Variants in ATP6V0A4 observed in about 807,000 individuals in gnomAD.
The protein encoded by ATP6V0A4 is ATPase H+ transporting V0 subunit a4.
In ATP6V0A4, 86 loss-of-function variants were observed where a neutral mutation model predicts 107.3. That is an observed-to-expected ratio of 0.80 (90% confidence interval 0.67 to 0.96). ATP6V0A4 has a LOEUF of 0.96. ATP6V0A4 is among the 40% of genes least tolerant of loss of function. The probability of loss-of-function intolerance (pLI) is 0.00; values close to 1 mark genes in which losing one functional copy is unlikely to be tolerated. For synonymous variants in ATP6V0A4, 353 were observed against 381.4 expected (o/e 0.93, Z 0.87); for missense variants, 908 against 1,045.6 (o/e 0.87, Z 1.81).
Position 138,773,727 on chromosome 7 carries a change from T to C in ATP6V0A4, c.-17-2463A>G, listed in dbSNP as rs1807510283. The C allele has an allele frequency of 6.6e-6, 1 of 152,318 alleles. No individual in the cohort carries two copies. Among genetic ancestry groups the C allele is most frequent in the African/African-American group, 2.4e-5 (1 of 41,454 alleles). 9.4% of individuals were successfully genotyped at this position (152,318 alleles called of 1,614,324 possible). ...AATTCAAAGCTCTCCTACTGCCCTG[T>C]CTAGTAACTACAGCCAAGTGAACAT... On this transcript the variant is annotated intron_variant, in intron 2 of 21. Coordinates refer to ENST00000310018, the MANE Select transcript of ATP6V0A4 (RefSeq NM_020632.3). This position sits in a 1 kb window ranked among gnomAD's most constrained non-coding sequence, Gnocchi z 5.4.
intron 1 of ATP6V0A4, among the ~76,000 whole-genome samples, chr7:138,795,349 C>T (rs767486384): frequency 6.6e-6 from 1 of 152,112 alleles, no homozygotes; most frequent in African/African-American, 2.4e-5. Context: ...CCCTCCTCCA[C>T]ATCCACTGCT....
intron 13 of ATP6V0A4, 107 bp from the exon 14 acceptor site, chr7:138,745,387 G>A: frequency 6.5e-7 from 1 of 1,538,528 alleles, no homozygotes; most frequent in Non-Finnish European, 8.9e-7. Context: ...AGGCACCCTT[G>A]GGGGAGCCAC....
chr7:138,745,962 A>AAAAAATATATATATATAT (rs1554396065), intron 13 of ATP6V0A4, among the ~76,000 whole-genome samples: 2 of 65,682 alleles, frequency 3.0e-5, no homozygotes, highest in African/African-American at 1.3e-4. Context: ...AAAAAAAAAA[A>AAAAAATATATATATATAT]ATATATATAT....
chr7:138,778,591 A>G (rs1454268958), intron 2 of ATP6V0A4, among the ~76,000 whole-genome samples: 2 of 152,210 alleles, frequency 1.3e-5, no homozygotes, highest in Non-Finnish European at 2.9e-5. Flanking sequence ...AAAGTTCCAA[A>G]GAAAGCCTGC....
intron 17 of ATP6V0A4, among the ~76,000 whole-genome samples, chr7:138,731,025 T>G (rs2883293): frequency 0.15 from 23,344 of 150,654 alleles, 3,547 homozygotes; most frequent in African/African-American, 0.39. Context: ...CCTCTGCCTC[T>G]CAGGTTCAAG....
chr7:138,734,248 T>G lies in ATP6V0A4; in HGVS notation c.1579A>C (p.Asn527His). 6.2e-7 allele frequency: 1 copy of G among 1,613,448 alleles called. No individual in the cohort carries two copies. Among genetic ancestry groups the G allele is most frequent in the Non-Finnish European group, 8.5e-7 (1 of 1,179,594 alleles). The change falls in exon 16 of 22, where the codon AAC (asparagine) becomes CAC (histidine). Residue 527 changes from asparagine to histidine, a missense_variant. Physicochemically the swap from Asn to His is moderately conservative, Grantham distance 68. Transcript: ENST00000310018. Reference sequence around the variant, plus strand: ...AATGTGAGTTTGTTTGAAGCCAAGTTCCAAATCTGGATGGGAAATGGGACA... The same window carrying G: ...AATGTGAGTTTGTTTGAAGCCAAGTGCCAAATCTGGATGGGAAATGGGACA... ...PYPFGIDPIW[N>H]LASNKLTFLN...
intron 2 of ATP6V0A4, among the ~76,000 whole-genome samples, chr7:138,785,743 GCACACA>G (rs147185517): frequency 6.6e-6 from 1 of 150,434 alleles, no homozygotes; most frequent in South Asian, 2.1e-4. Context: ...GCACACACAC[GCACACA>G]CACACACACA....
chr7:138,755,202 G>T (rs1241243608), intron 10 of ATP6V0A4, among the ~76,000 whole-genome samples: 1 of 152,224 alleles, frequency 6.6e-6, no homozygotes, highest in African/African-American at 2.4e-5. Context: ...AGTGACCCTG[G>T]ATGGTGACAG....
At chr7:138,733,218 C>T (rs2117240152) in intron 16 of ATP6V0A4, 125 bp from the exon 17 acceptor site, 1 of 1,479,206 alleles carries the variant, frequency 6.8e-7, no homozygotes, top group South Asian at 1.3e-5. Flanking sequence ...TACTGGCAAA[C>T]AACGGCACCC....
At chr7:138,728,457 C>G (rs1333118837) in intron 18 of ATP6V0A4, among the ~76,000 whole-genome samples, 1 of 151,984 alleles carries the variant, frequency 6.6e-6, no homozygotes, top group African/African-American at 2.4e-5. Flanking sequence ...AAACTCCCGA[C>G]CTCAGGTGAT....
In ATP6V0A4 at chr7:138,729,070, G is replaced by A. The variant is rs377315102; in HGVS notation, c.1909-208C>T. 22 of 612,254 alleles carry A rather than the reference G, an allele frequency of 3.6e-5. No individual in the cohort carries two copies. The South Asian group carries it at 5.7e-4, about 16-fold the overall frequency. The allele number at this position is 612,254 out of a possible 1,614,324, so 37.9% of individuals were successfully genotyped here. A position where few individuals can be genotyped will look rare whatever the true frequency, so the allele number is the denominator to read the frequency against. On this transcript the variant is annotated intron_variant, in intron 17 of 21. Transcript: ENST00000310018. ...TCCAGTGTTTCCAAATGTTCGACACGGGGTAGACACTGGAAACTCTCTGTA... is the reference window on the plus strand; with the variant it reads ...TCCAGTGTTTCCAAATGTTCGACACAGGGTAGACACTGGAAACTCTCTGTA...
At chr7:138,746,804 A>G (rs891172955) in intron 13 of ATP6V0A4, among the ~76,000 whole-genome samples, 3 of 152,140 alleles carry the variant, frequency 2.0e-5, no homozygotes, top group Non-Finnish European at 4.4e-5. Flanking sequence ...GTGCCTGGCC[A>G]GCCAATAAAC....
Position 138,732,878 on chromosome 7 carries a change from T to C in ATP6V0A4, c.1907A>G (p.Gln636Arg), listed in dbSNP as rs749821651. 1.2e-6 allele frequency: 2 copies of C among 1,602,866 alleles called. No individual in the cohort carries two copies. The highest frequency in any genetic ancestry group is 1.7e-6 in the Non-Finnish European group (2 of 1,174,356). Residue 636 changes from glutamine (Q) to arginine (R), a missense_variant and splice_region_variant, in exon 17 of 22, where the codon CAG becomes CGG. Physicochemically the swap from Gln to Arg is conservative, Grantham distance 43 (BLOSUM62 1). Coordinates refer to ENST00000310018, the MANE Select transcript of ATP6V0A4 (RefSeq NM_020632.3). ...DSSNAPLYKH[Q>R]QEVQSFFVVM... is the part of the protein sequence containing the mutation. The stretch of plus-strand genomic sequence containing the variant: ...AAAAAAAAAAAATAGCAGAAATACC[T>C]GATGTTTGTAGAGGGGTGCGTTGGA...
chr7:138,749,467 G>T (rs1325336987), intron 11 of ATP6V0A4, 150 bp from the exon 12 acceptor site: 2 of 796,878 alleles, frequency 2.5e-6, no homozygotes, highest in Non-Finnish European at 3.9e-6. Context: ...GACCTTATGT[G>T]TAGAGAGTTA....
chr7:138,748,676 G>C (rs1806077921), intron 12 of ATP6V0A4, among the ~76,000 whole-genome samples: 1 of 152,112 alleles, frequency 6.6e-6, no homozygotes, highest in Non-Finnish European at 1.5e-5. Context: ...AAAGTGCTGG[G>C]ATTACAGGCG....
Position 138,759,777 on chromosome 7 carries a change from T to C in ATP6V0A4, c.614A>G (p.Asp205Gly). Residue 205 changes from aspartate to glycine, a missense_variant, in exon 8 of 22, where the codon GAC becomes GGC. By Grantham distance (94) the Asp-to-Gly change is moderately conservative. Coordinates refer to ENST00000310018, the MANE Select transcript of ATP6V0A4 (RefSeq NM_020632.3). ...GNVYLKFSEM[D>G]APLEDPVTKE... ...CGTCACAGGATCCTCCAGAGGGGCG[T>C]CCATCTCACTGAACTTCAAGTACAC... The C allele has an allele frequency of 3.1e-6, 5 of 1,614,114 alleles. No homozygotes were observed. The highest frequency in any genetic ancestry group is 3.4e-6 in the Non-Finnish European group (4 of 1,180,030).
intron 5 of ATP6V0A4, among the ~76,000 whole-genome samples, chr7:138,763,646 CAAT>C (rs1443943149): frequency 1.3e-5 from 2 of 151,478 alleles, no homozygotes; most frequent in African/African-American, 4.9e-5. Flanking sequence ...AAATAAATAA[CAAT>C]AAAAATAACT....
chr7:138,722,958 T>G (rs1402003052), intron 18 of ATP6V0A4, among the ~76,000 whole-genome samples: 1 of 146,952 alleles, frequency 6.8e-6, no homozygotes, highest in African/African-American at 2.5e-5. Flanking sequence ...CTCGGGAGGC[T>G]GAGGAAGGAG....
chr7:138,768,754 G>A (rs778158396), intron 5 of ATP6V0A4, 26 bp downstream of exon 5: 2 of 1,613,454 alleles, frequency 1.2e-6, no homozygotes, highest in African/African-American at 1.3e-5. Flanking sequence ...CCTTACCTGG[G>A]GAGGCCAGCA....
Sources: allele counts gnomAD v4.1 joint callset (sites outside exome capture counted in the v4.1 genomes callset), GRCh38; gene constraint gnomAD v4.1.1; non-coding constraint Gnocchi (gnomAD v3.1); transcripts MANE v1.5; gene names NCBI Gene and HGNC (gene_info 2026-07-23, HGNC 2026-07-21).